SCGB2B2: variants seen among roughly 807,000 people sequenced by gnomAD.
SCGB2B2 encodes secretoglobin family 2B member 2.
A neutral mutation model predicts 7.6 loss-of-function variants in SCGB2B2; 11 were observed. That is an observed-to-expected ratio of 1.45 (90% CI 0.91 to 2.40). The LOEUF is 2.40. Ranked by LOEUF, SCGB2B2 falls within the 30% of genes most tolerant of loss-of-function variation. SCGB2B2 has a pLI of 0.00. For synonymous variants in SCGB2B2, 50 were observed against 48.6 expected, an observed-to-expected ratio of 1.03 and a Z score of -0.12; for missense variants, 104 against 115.4, an observed-to-expected ratio of 0.90 and a Z score of 0.45.
Position 34,654,216 on chromosome 19 carries a change from G to T in SCGB2B2, c.-2032+21414C>A, listed in dbSNP as rs187267402. Among the ~76,000 whole-genome samples the T allele has an allele frequency of 5.5e-3, 836 of 151,114 alleles. 13 individuals are homozygous for T. The highest frequency in any genetic ancestry group is 0.017 in the Middle Eastern group (5 of 294). On this transcript the variant is annotated intron_variant, in intron 1 of 3. Coordinates refer to ENST00000601241, the MANE Select transcript of SCGB2B2 (RefSeq NM_001025591.4). ...AAATTAATTTAATAAACATATACAA[G>T]ATTTTAAAATAAAATTAGAATCAAC...
intron 1 of SCGB2B2, among the ~76,000 whole-genome samples, chr19:34,650,886 AT>A (rs2067145719): frequency 6.6e-6 from 1 of 151,356 alleles, no homozygotes; most frequent in Non-Finnish European, 1.5e-5. Context: ...TCAGCAGTAC[AT>A]TAAAGTAATC....
intron 1 of SCGB2B2, among the ~76,000 whole-genome samples, chr19:34,654,246 T>C (rs1047352132): frequency 1.3e-5 from 2 of 151,214 alleles, no homozygotes. Context: ...ATCAACTTAA[T>C]AGGTTAATGA....
At chr19:34,616,940 G>A (rs2066100168) in intron 1 of SCGB2B2, among the ~76,000 whole-genome samples, 1 of 152,150 alleles carries the variant, frequency 6.6e-6, no homozygotes, top group Admixed American at 6.5e-5. Flanking sequence ...TATTAAACAG[G>A]GAATCCTTTC....
In SCGB2B2 at chr19:34,668,898, T is replaced by A. The variant is rs1229488643; in HGVS notation, c.-2032+6732A>T. Reference sequence around the variant, plus strand: ...GTAAAATGGACCAATCACCAGGATGTGGGTGGGGCCAGATAAGAGAGTAAA... The same window carrying A: ...GTAAAATGGACCAATCACCAGGATGAGGGTGGGGCCAGATAAGAGAGTAAA... On this transcript the variant is annotated intron_variant, in intron 1 of 3. Transcript: ENST00000601241. 2.6e-5 allele frequency among the ~76,000 whole-genome samples: 4 copies of A among 152,098 alleles called. No homozygotes were observed. The South Asian group carries it at 6.2e-4, about 24-fold the overall frequency.
intron 1 of SCGB2B2, among the ~76,000 whole-genome samples, chr19:34,651,287 G>A (rs1049875338): frequency 6.6e-6 from 1 of 151,148 alleles, no homozygotes; most frequent in African/African-American, 2.5e-5. Flanking sequence ...CATCCAGACT[G>A]GAAAGAAGGA....
At chr19:34,610,054 CT>C (rs888340187) in intron 1 of SCGB2B2, among the ~76,000 whole-genome samples, 1 of 151,668 alleles carries the variant, frequency 6.6e-6, no homozygotes, top group Non-Finnish European at 1.5e-5. Flanking sequence ...TAAATTTATT[CT>C]TTTTTTTGGT....
At position 34,675,761 on chromosome 19, in the gene SCGB2B2, T is replaced by C. The variant is rs1191274452; in HGVS notation, c.-2163A>G. The C allele has an allele frequency of 6.5e-6, 1 of 152,862 alleles. No individual in the cohort carries two copies. The highest frequency in any genetic ancestry group is 1.9e-4 in the East Asian group (1 of 5,208). 9.5% of individuals were successfully genotyped at this position (152,862 alleles called of 1,614,324 possible). A position where few individuals can be genotyped will look rare whatever the true frequency, so the allele number is the denominator to read the frequency against. On this transcript the variant is annotated 5_prime_UTR_variant, in exon 1 of 4. Transcript: ENST00000601241. ...TGTTACAGCTCATAAAGGCGGTGCGTCTGGAGTCGTGCTGGAGTTGTTTGT... is the reference window on the plus strand; with the variant it reads ...TGTTACAGCTCATAAAGGCGGTGCGCCTGGAGTCGTGCTGGAGTTGTTTGT...
chr19:34,627,010 C>T (rs1277988238), intron 1 of SCGB2B2, among the ~76,000 whole-genome samples: 1 of 152,140 alleles, frequency 6.6e-6, no homozygotes. Context: ...GCCAAACTAA[C>T]CTTCATACGT....
At chr19:34,669,573 G>A (rs1293184940) in intron 1 of SCGB2B2, among the ~76,000 whole-genome samples, 3 of 152,030 alleles carry the variant, frequency 2.0e-5, no homozygotes, top group East Asian at 1.9e-4. Context: ...CCAATCCCAC[G>A]GTGCTCCAGG....
At chr19:34,620,616 G>A (rs1009486877) in intron 1 of SCGB2B2, among the ~76,000 whole-genome samples, 9 of 152,192 alleles carry the variant, frequency 5.9e-5, no homozygotes, top group African/African-American at 1.9e-4. Context: ...GTATACATAT[G>A]TAACAAACCT....
intron 1 of SCGB2B2, among the ~76,000 whole-genome samples, chr19:34,658,283 C>A (rs1238400203): frequency 2.0e-5 from 3 of 151,746 alleles, no homozygotes; most frequent in South Asian, 4.2e-4. Flanking sequence ...ACAAAAAAAC[C>A]CTTCAAAAAA....
chr19:34,636,953 A>G (rs1477070070), intron 1 of SCGB2B2, among the ~76,000 whole-genome samples: 1 of 152,112 alleles, frequency 6.6e-6, no homozygotes, highest in African/African-American at 2.4e-5. Context: ...GAAAGACACG[A>G]CAGGTGAGTG....
chr19:34,628,700 T>A (rs1275758299), intron 1 of SCGB2B2, among the ~76,000 whole-genome samples: 2 of 151,952 alleles, frequency 1.3e-5, no homozygotes, highest in African/African-American at 4.8e-5. Context: ...AAAGAGGAGC[T>A]AGTACCATTC....
In SCGB2B2 at chr19:34,618,706, ATG is replaced by A. The variant is rs576269650; in HGVS notation, c.-2031-22114_-2031-22113del. Among the ~76,000 whole-genome samples, 248 of 152,324 alleles carry A rather than the reference ATG, an allele frequency of 1.6e-3. 2 individuals are homozygous for A. The highest frequency in any genetic ancestry group is 5.8e-3 in the African/African-American group (241 of 41,572). ...ACTTTACCTTCCTTACACACCCTGC[ATG>A]TGAAACTCTTTCTTCAGTAGTTTCA... On this transcript the variant is annotated intron_variant, in intron 1 of 3. Transcript: ENST00000601241.
chr19:34,589,548 T>C (rs1282895849), downstream of SCGB2B2, among the ~76,000 whole-genome samples: 5 of 152,144 alleles, frequency 3.3e-5, no homozygotes, highest in Non-Finnish European at 1.5e-5. Context: ...CCAGGGGCTC[T>C]GGCTGTCATG....
chr19:34,594,961 C>A lies in SCGB2B2; in HGVS notation c.-398G>T. The A allele has an allele frequency of 4.2e-6, 1 of 239,016 alleles. No individual in the cohort carries two copies. Among genetic ancestry groups the A allele is most frequent in the Non-Finnish European group, 8.3e-6 (1 of 120,056 alleles). The allele number at this position is 239,016 out of a possible 1,614,324, so 14.8% of individuals were successfully genotyped here. ...CACTTGGCACGCCCTAGCACAGAAT[C>A]TGCCACTGAGTGCTGGCTCAACAAA... On this transcript the variant is annotated 5_prime_UTR_variant, in exon 2 of 4. Transcript: ENST00000601241.
intron 1 of SCGB2B2, chr19:34,645,539 CAG>C (rs113283623): frequency 0.071 from 1,294 of 18,156 alleles, 13 homozygotes; most frequent in African/African-American, 0.26. Context: ...CACACAGACA[CAG>C]ACACACACAC....
chr19:34,626,913 G>A (rs1000496653), intron 1 of SCGB2B2, among the ~76,000 whole-genome samples: 6 of 152,200 alleles, frequency 3.9e-5, no homozygotes, highest in Admixed American at 1.3e-4. Context: ...TAATCTCTCC[G>A]CAGAAACTCT....
At chr19:34,642,467 G>T (rs1466375736) in intron 1 of SCGB2B2, among the ~76,000 whole-genome samples, 1 of 152,124 alleles carries the variant, frequency 6.6e-6, no homozygotes, top group Non-Finnish European at 1.5e-5. Flanking sequence ...TGTAAGCCCA[G>T]CACTTTGGGA....
Sources: allele counts gnomAD v4.1 joint callset (sites outside exome capture counted in the v4.1 genomes callset), GRCh38; gene constraint gnomAD v4.1.1; transcripts MANE v1.5; gene names NCBI Gene and HGNC (gene_info 2026-07-23, HGNC 2026-07-21).